SOX10: variants seen among roughly 807,000 people sequenced by gnomAD.
The protein encoded by SOX10 is transcription factor SOX-10.
SOX10 carries 3 observed loss-of-function variants against 35.0 expected under a neutral mutation model. The observed-to-expected ratio is 0.09, with a 90% CI of 0.04 to 0.22. SOX10 has a LOEUF of 0.22. SOX10 is among the 10% of genes least tolerant of loss of function. The pLI is 1.00. For synonymous variants in SOX10, 285 were observed against 291.0 expected, an observed-to-expected ratio of 0.98 and a Z score of 0.21; for missense variants, 436 against 655.1, an observed-to-expected ratio of 0.67 and a Z score of 3.65.
chr22:37,975,086 A>G (rs1231224952), intron 3 of SOX10, among the ~76,000 whole-genome samples: 3 of 152,196 alleles, frequency 2.0e-5, no homozygotes, highest in African/African-American at 7.2e-5. Context: ...ATGGGAGGGC[A>G]CTTAGAAAAC....
rs8141371 is a variant in SOX10 at position 37,972,563 on chromosome 22, C to T, written c.*932G>A. ...CAGGATTCTAGTGTCTTCAGCCTGCCGACAGCAACCTGGGTGCTGGGCCCT... is the reference window on the plus strand; with the variant it reads ...CAGGATTCTAGTGTCTTCAGCCTGCTGACAGCAACCTGGGTGCTGGGCCCT... On this transcript the variant is annotated 3_prime_UTR_variant, in exon 4 of 4. Transcript: ENST00000396884. 5,612 of 232,116 alleles carry T rather than the reference C, an allele frequency of 0.024. 322 individuals carry two copies. Among genetic ancestry groups the T allele is most frequent in the African/African-American group, 0.12 (5,307 of 43,382 alleles). 14.4% of individuals were successfully genotyped at this position (232,116 alleles called of 1,614,324 possible).
In SOX10 at chr22:37,977,975, G is replaced by T. The variant is rs1019151119; in HGVS notation, c.589C>A (p.Gln197Lys). The T allele has an allele frequency of 3.1e-6, 5 of 1,611,804 alleles. No homozygotes were observed. In the African/African-American group the frequency reaches 6.7e-5, roughly 22 times the overall value. The change falls in exon 3 of 4, where the codon CAA (glutamine) becomes AAA (lysine). Residue 197 changes from glutamine to lysine, a missense_variant. By Grantham distance (53) the Gln-to-Lys change is moderately conservative. Coordinates refer to ENST00000396884, the MANE Select transcript of SOX10 (RefSeq NM_006941.4). ...GCCTGGATGGCGGCGGTCCCACCTTGCTCGGCCTCCCCACCGGGGCACTCC... is the reference window on the plus strand; with the variant it reads ...GCCTGGATGGCGGCGGTCCCACCTTTCTCGGCCTCCCCACCGGGGCACTCC... The part of the protein sequence containing the change: ...EAECPGGEAE[Q>K]GGTAAIQAHY...
rs770193704 is a variant in SOX10 at position 37,973,902 on chromosome 22, C to T, written c.994G>A (p.Ala332Thr). Reference protein sequence around the residue: ...SALAVASGHSAWISKPPGVAL... With the variant: ...SALAVASGHSTWISKPPGVAL... The stretch of plus-strand genomic sequence containing the variant: ...ACGCCTGGTGGCTTGGAGATCCAGG[C>T]GGAGTGTCCACTGGCCACGGCCAGG... The change falls in exon 4 of 4, where the codon GCC becomes ACC. Residue 332 changes from alanine to threonine, a missense_variant. Ala to Thr is a moderately conservative substitution (Grantham distance 58). Transcript: ENST00000396884. 63 of 1,610,072 alleles carry T rather than the reference C, an allele frequency of 3.9e-5. No homozygotes were observed. The highest frequency in any genetic ancestry group is 1.8e-4 in the Admixed American group (11 of 59,994).
rs1474044555 is a variant in SOX10, at chr22:37,983,719, G to A, written c.66C>T (p.Cys22=). The change falls in exon 2 of 4, where the codon TGC becomes TGT. Residue 22 remains cysteine (C), a synonymous_variant. Coordinates refer to ENST00000396884, the MANE Select transcript of SOX10 (RefSeq NM_006941.4). The surrounding 1 kb of genome is among the most constrained non-coding windows in gnomAD (Gnocchi z 9.5). Reference sequence around the variant, plus strand: ...GCGAGGGCGCGCTCCCCGGGGACAGGCAGCGGGGCTCCTCCGAGCCCACGG... The same window carrying A: ...GCGAGGGCGCGCTCCCCGGGGACAGACAGCGGGGCTCCTCCGAGCCCACGG... ...LSPVGSEEPR[C]LSPGSAPSLG... The A allele has an allele frequency of 6.7e-7, 1 of 1,493,776 alleles. No individual in the cohort carries two copies. Among genetic ancestry groups the A allele is most frequent in the South Asian group, 1.3e-5 (1 of 79,450 alleles). 92.5% of individuals were successfully genotyped at this position (1,493,776 alleles called of 1,614,324 possible). A position where few individuals can be genotyped will look rare whatever the true frequency, so the allele number is the denominator to read the frequency against.
At position 37,978,744 on chromosome 22, in the gene SOX10, G is replaced by A. The variant is rs1040608432; in HGVS notation, c.429-609C>T. On this transcript the variant is annotated intron_variant, in intron 2 of 3. Transcript: ENST00000396884. This position sits in a 1 kb window ranked among gnomAD's most constrained non-coding sequence, Gnocchi z 5.0. ...GCCTTGCACCAGGGCCTGGGAAGCG[G>A]GCTGAGCACCTTGAGGAAGAGGTGC... 6.6e-6 allele frequency among the ~76,000 whole-genome samples: 1 copy of A among 152,118 alleles called. No individual in the cohort carries two copies. Among genetic ancestry groups the A allele is most frequent in the Admixed American group, 6.5e-5 (1 of 15,268 alleles).
At position 37,974,141 on chromosome 22, in the gene SOX10, C is replaced by T; in HGVS notation, c.755G>A (p.Gly252Asp). The T allele has an allele frequency of 1.2e-6, 2 of 1,611,626 alleles. No individual in the cohort carries two copies. The change falls in exon 4 of 4, where the codon GGC (glycine) becomes GAC (aspartate). Residue 252 changes from glycine (G) to aspartate (D), a missense_variant. Around this residue, in one of 3 missense-constraint regions of SOX10, gnomAD observed 285 missense variants for 402.9 expected, o/e 0.71. Coordinates refer to ENST00000396884, the MANE Select transcript of SOX10 (RefSeq NM_006941.4). The surrounding 1 kb of genome is among the most constrained non-coding windows in gnomAD (Gnocchi z 5.4). Reference sequence around the variant, plus strand: ...CCCGTCCCGCTTCGGGTCTGCCTTGCCCGACTGCAGCTCTGTCTTCGGGGT... The same window carrying T: ...CCCGTCCCGCTTCGGGTCTGCCTTGTCCGACTGCAGCTCTGTCTTCGGGGT... ...PTTPKTELQS[G>D]KADPKRDGRS...
intron 3 of SOX10, among the ~76,000 whole-genome samples, chr22:37,977,663 G>A (rs988138736): frequency 6.6e-6 from 1 of 152,074 alleles, no homozygotes; most frequent in African/African-American, 2.4e-5. Context: ...AGTAGGATCA[G>A]CCCTGGCCAG....
rs1367935652 is a variant in SOX10 at position 37,974,278 on chromosome 22, G to A, written c.698-80C>T. ...AGGTGGGCGCACGTGAACTTCCATG[G>A]TTCACCTTCAGGCAGCGGGTGCCTC... On this transcript the variant is annotated intron_variant, in intron 3 of 3. Transcript: ENST00000396884. The surrounding 1 kb of genome is among the most constrained non-coding windows in gnomAD (Gnocchi z 5.4). The A allele has an allele frequency of 5.4e-6, 6 of 1,110,098 alleles. No homozygotes were observed. The African/African-American group carries it at 9.2e-5, about 17-fold the overall frequency. The allele number at this position is 1,110,098 out of a possible 1,614,324, so 68.8% of individuals were successfully genotyped here. A position where few individuals can be genotyped will look rare whatever the true frequency, so the allele number is the denominator to read the frequency against.
chr22:37,983,339 G>A lies in SOX10; in HGVS notation c.428+18C>T, dbSNP rs367655861. ...CGAAGCTAGAGGGCCCGAGCCCGGGGGGCGGTCGGGTGCTCACCTCCAGAG... is the reference window on the plus strand; with the variant it reads ...CGAAGCTAGAGGGCCCGAGCCCGGGAGGCGGTCGGGTGCTCACCTCCAGAG... On this transcript the variant is annotated intron_variant, in intron 2 of 3. Transcript: ENST00000396884. The surrounding 1 kb of genome is among the most constrained non-coding windows in gnomAD (Gnocchi z 9.5). 538 of 1,598,830 alleles carry A rather than the reference G, an allele frequency of 3.4e-4. 2 individuals carry two copies. Among genetic ancestry groups the A allele is most frequent in the Non-Finnish European group, 6.2e-5 (73 of 1,174,400 alleles).
At position 37,978,009 on chromosome 22, in the gene SOX10, C is replaced by G; in HGVS notation, c.555G>C (p.Gln185His). The change falls in exon 3 of 4, where the codon CAG becomes CAC. Residue 185 changes from glutamine (Q) to histidine (H), a missense_variant. Coordinates refer to ENST00000396884, the MANE Select transcript of SOX10 (RefSeq NM_006941.4). This position sits in a 1 kb window ranked among gnomAD's most constrained non-coding sequence, Gnocchi z 5.0. Reference sequence around the variant, plus strand: ...CCCCACCGGGGCACTCCGCCTCGCCCTGGGCGGCCTTCCCGTTCTTCCGCC... The same window carrying G: ...CCCCACCGGGGCACTCCGCCTCGCCGTGGGCGGCCTTCCCGTTCTTCCGCC... ...PRRRKNGKAA[Q>H]GEAECPGGEA... 1 of 1,611,818 alleles carries G rather than the reference C, an allele frequency of 6.2e-7. No individual in the cohort carries two copies. The highest frequency in any genetic ancestry group is 1.1e-5 in the South Asian group (1 of 90,988).
intron 2 of SOX10, among the ~76,000 whole-genome samples, chr22:37,979,534 C>T (rs1252040809): frequency 3.3e-5 from 5 of 151,902 alleles, no homozygotes; most frequent in African/African-American, 1.2e-4. Context: ...TCCTCTTTAC[C>T]ATGGGTCTGG....
chr22:37,978,905 T>C lies in SOX10; in HGVS notation c.429-770A>G, dbSNP rs1043545897. On this transcript the variant is annotated intron_variant, in intron 2 of 3. Coordinates refer to ENST00000396884, the MANE Select transcript of SOX10 (RefSeq NM_006941.4). This position sits in a 1 kb window ranked among gnomAD's most constrained non-coding sequence, Gnocchi z 5.0. ...GATTCTTGTGCCTCAGCCTCCCAAG[T>C]AGCTGGGATTACAAGCATGCGCCAC... Among the ~76,000 whole-genome samples, 2 of 152,082 alleles carry C rather than the reference T, an allele frequency of 1.3e-5. No individual in the cohort carries two copies. The highest frequency in any genetic ancestry group is 3.8e-4 in the East Asian group (2 of 5,196).
intron 2 of SOX10, among the ~76,000 whole-genome samples, chr22:37,979,642 C>G (rs1932334316): frequency 6.6e-6 from 1 of 152,000 alleles, no homozygotes; most frequent in African/African-American, 2.4e-5. Context: ...TGGAACAGTC[C>G]CTGAAACCAA....
At chr22:37,976,194 G>C (rs1223253304) in intron 3 of SOX10, among the ~76,000 whole-genome samples, 1 of 152,226 alleles carries the variant, frequency 6.6e-6, no homozygotes, top group Non-Finnish European at 1.5e-5. Flanking sequence ...CTGCACTGCA[G>C]CCTGGGCAAC....
At chr22:37,976,183 G>A (rs1027968697) in intron 3 of SOX10, among the ~76,000 whole-genome samples, 5 of 152,098 alleles carry the variant, frequency 3.3e-5, no homozygotes, top group African/African-American at 9.7e-5. Flanking sequence ...AGATGGCACC[G>A]CTGCACTGCA....
In SOX10 at chr22:37,974,100, C is replaced by A. The variant is rs1432621371; in HGVS notation, c.796G>T (p.Gly266Cys). The A allele has an allele frequency of 6.2e-7, 1 of 1,613,730 alleles. No individual in the cohort carries two copies. Among genetic ancestry groups the A allele is most frequent in the Non-Finnish European group, 8.5e-7 (1 of 1,180,034 alleles). Residue 266 changes from glycine (G) to cysteine (C), a missense_variant, in exon 4 of 4, where the codon GGC becomes TGC. This residue lies in a region of SOX10 where 285 missense variants were observed against 402.9 expected (regional missense o/e 0.71). Transcript: ENST00000396884. This position sits in a 1 kb window ranked among gnomAD's most constrained non-coding sequence, Gnocchi z 5.4. ...CCGAAGTCGATGTGAGGCTTCCCGC[C>A]CTCCCCCATGGAGCGCCCGTCCCGC... ...PKRDGRSMGE[G>C]GKPHIDFGNV...
rs1932301726 is a variant in SOX10, at chr22:37,978,728, C to T, written c.429-593G>A. 6.6e-6 allele frequency among the ~76,000 whole-genome samples: 1 copy of T among 152,048 alleles called. No individual in the cohort carries two copies. The highest frequency in any genetic ancestry group is 6.5e-5 in the Admixed American group (1 of 15,268). Reference sequence around the variant, plus strand: ...ATAATGGATGTGAGATGCCTTGCACCAGGGCCTGGGAAGCGGGCTGAGCAC... The same window carrying T: ...ATAATGGATGTGAGATGCCTTGCACTAGGGCCTGGGAAGCGGGCTGAGCAC... On this transcript the variant is annotated intron_variant, in intron 2 of 3. Coordinates refer to ENST00000396884, the MANE Select transcript of SOX10 (RefSeq NM_006941.4). This position sits in a 1 kb window ranked among gnomAD's most constrained non-coding sequence, Gnocchi z 5.0.
chr22:37,973,367 C>G lies in SOX10; in HGVS notation c.*128G>C. 1 of 666,382 alleles carries G rather than the reference C, an allele frequency of 1.5e-6. No homozygotes were observed. The highest frequency in any genetic ancestry group is 2.0e-5 in the South Asian group (1 of 50,780). The allele number at this position is 666,382 out of a possible 1,614,324, so 41.3% of individuals were successfully genotyped here. A position where few individuals can be genotyped will look rare whatever the true frequency, so the allele number is the denominator to read the frequency against. ...GCAGTGAGCCAGACAGAAAGCCCCC[C>G]GACCTGTCAGCCTCTTCAGCCTCCT... On this transcript the variant is annotated 3_prime_UTR_variant, in exon 4 of 4. Coordinates refer to ENST00000396884, the MANE Select transcript of SOX10 (RefSeq NM_006941.4).
chr22:37,982,958 A>G (rs1162088103), intron 2 of SOX10, among the ~76,000 whole-genome samples: 1 of 152,216 alleles, frequency 6.6e-6, no homozygotes. Context: ...ATCTCCAGCC[A>G]ACCCTTTGGT....
Sources: gnomAD v4.1 joint callset for allele counts (sites outside exome capture counted in the v4.1 genomes callset) on GRCh38, gnomAD v4.1.1 for gene constraint, gnomAD v4.1.1 regional missense constraint, Gnocchi (gnomAD v3.1) non-coding constraint, MANE v1.5 for transcripts, NCBI Gene and HGNC (gene_info 2026-07-23, HGNC 2026-07-21) for gene names.